PKNOX2: variants seen among roughly 807,000 people sequenced by gnomAD.
PKNOX2 encodes the protein PBX/knotted 1 homeobox 2.
Under a neutral mutation model 53.1 loss-of-function variants are expected in PKNOX2, and 14 were observed. The ratio of observed to expected loss-of-function variants is 0.26; its 90% CI spans 0.17 to 0.41. The LOEUF (loss-of-function observed/expected upper bound fraction) is 0.41, where lower values mean the gene tolerates loss of function less well. Ranked by LOEUF, PKNOX2 falls within the 10% of genes least tolerant of loss-of-function variation. PKNOX2 has a pLI of 1.00. For synonymous variants in PKNOX2, 257 were observed against 242.8 expected, an observed-to-expected ratio of 1.06 and a Z score of -0.54; for missense variants, 496 against 602.8, an observed-to-expected ratio of 0.82 and a Z score of 1.85.
In PKNOX2 at chr11:125,422,349, T is replaced by C. The variant is rs535003257; in HGVS notation, c.937-6663T>C. Among the ~76,000 whole-genome samples, 1 of 152,246 alleles carries C rather than the reference T, an allele frequency of 6.6e-6. No individual in the cohort carries two copies. Among genetic ancestry groups the C allele is most frequent in the South Asian group, 2.1e-4 (1 of 4,822 alleles). On this transcript the variant is annotated intron_variant, in intron 10 of 12. Coordinates refer to ENST00000298282, the MANE Select transcript of PKNOX2 (RefSeq NM_001382323.2). This position sits in a 1 kb window ranked among gnomAD's most constrained non-coding sequence, Gnocchi z 4.1. ...CCAGCTGGGTTCTTGGTTACATTTC[T>C]CTCTTTGTCCCAGAGAAATCTTAGA... is the stretch of plus-strand genomic sequence containing the variant.
At chr11:125,177,615 C>G (rs893203517) in intron 1 of PKNOX2, among the ~76,000 whole-genome samples, 1 of 152,184 alleles carries the variant, frequency 6.6e-6, no homozygotes, top group African/African-American at 2.4e-5. Context: ...CTGCTCCAGT[C>G]CTGGCCTCAG....
At chr11:125,414,367 A>G (rs1955754422) in intron 10 of PKNOX2, among the ~76,000 whole-genome samples, 2 of 152,154 alleles carry the variant, frequency 1.3e-5, no homozygotes, top group African/African-American at 4.8e-5. Flanking sequence ...TGCAGGTGCC[A>G]TTCATGACGC....
At chr11:125,285,848 A>G (rs1946862534) in intron 2 of PKNOX2, among the ~76,000 whole-genome samples, 1 of 152,252 alleles carries the variant, frequency 6.6e-6, no homozygotes, top group African/African-American at 2.4e-5. Flanking sequence ...GCACTTCACT[A>G]CCATCCATGC....
chr11:125,176,734 A>G (rs1189868289), intron 1 of PKNOX2, among the ~76,000 whole-genome samples: 18 of 152,126 alleles, frequency 1.2e-4, no homozygotes, highest in Admixed American at 1.2e-3. Context: ...CTTCCCCAGC[A>G]TCTTCTTTTC....
intron 2 of PKNOX2, among the ~76,000 whole-genome samples, chr11:125,252,276 G>A (rs1193917838): frequency 6.6e-6 from 1 of 152,184 alleles, no homozygotes; most frequent in Admixed American, 6.5e-5. Context: ...CAGGAGCATC[G>A]TGTGGGACAA....
At chr11:125,243,052 T>A (rs1219911945) in intron 2 of PKNOX2, among the ~76,000 whole-genome samples, 1 of 152,178 alleles carries the variant, frequency 6.6e-6, no homozygotes, top group Non-Finnish European at 1.5e-5. Context: ...TGAAGGGTTG[T>A]TGGTGGAGGA....
In PKNOX2 at chr11:125,166,365, C is replaced by G. The variant is rs988114192; in HGVS notation, c.-201+1589C>G. Among the ~76,000 whole-genome samples the G allele has an allele frequency of 3.9e-4, 59 of 152,188 alleles. No individual in the cohort carries two copies. The highest frequency in any genetic ancestry group is 1.4e-3 in the African/African-American group (57 of 41,452). ...GGCGAGCCCCGAATTTTTGCTGCTT[C>G]CCCCTGAAAGTGTTTCTTTAGGAGG... On this transcript the variant is annotated intron_variant, in intron 1 of 12. Coordinates refer to ENST00000298282, the MANE Select transcript of PKNOX2 (RefSeq NM_001382323.2). The surrounding 1 kb of genome is among the most constrained non-coding windows in gnomAD (Gnocchi z 4.0).
At chr11:125,353,962 A>T (rs1177328135) in intron 4 of PKNOX2, among the ~76,000 whole-genome samples, 2 of 152,162 alleles carry the variant, frequency 1.3e-5, no homozygotes, top group Admixed American at 1.3e-4. Flanking sequence ...ATGCCCCCAG[A>T]ACAAAGGCTT....
chr11:125,337,757 A>T (rs1950501451), intron 3 of PKNOX2, among the ~76,000 whole-genome samples: 2 of 152,078 alleles, frequency 1.3e-5, no homozygotes, highest in African/African-American at 4.8e-5. Flanking sequence ...TGGGACATCC[A>T]TTGCCCTGCA....
chr11:125,428,356 G>A (rs945777406), intron 10 of PKNOX2, among the ~76,000 whole-genome samples: 2 of 152,124 alleles, frequency 1.3e-5, no homozygotes, highest in South Asian at 2.1e-4. Flanking sequence ...GACACTGGAG[G>A]AGTCATTCCA....
intron 1 of PKNOX2, among the ~76,000 whole-genome samples, chr11:125,222,716 T>G (rs111386041): frequency 0.015 from 2,322 of 150,094 alleles, 54 homozygotes; most frequent in African/African-American, 0.053. Context: ...GTGCTGTGTA[T>G]GTGTGTGTGT....
chr11:125,339,030 C>T (rs1950553151), intron 3 of PKNOX2, among the ~76,000 whole-genome samples: 1 of 152,216 alleles, frequency 6.6e-6, no homozygotes, highest in South Asian at 2.1e-4. Flanking sequence ...AAACACTCCT[C>T]CTCTGTGTCT....
At chr11:125,172,452 C>T (rs1282791666) in intron 1 of PKNOX2, among the ~76,000 whole-genome samples, 2 of 152,312 alleles carry the variant, frequency 1.3e-5, no homozygotes, top group East Asian at 1.9e-4. Context: ...ATCCAGCCCT[C>T]TTCCATCTCA....
intron 6 of PKNOX2, among the ~76,000 whole-genome samples, chr11:125,396,457 C>T (rs79539453): frequency 0.038 from 5,724 of 151,946 alleles, 299 homozygotes; most frequent in African/African-American, 0.11. Flanking sequence ...TATTCTAGCA[C>T]CATTTGAACA....
chr11:125,405,664 T>C (rs1955043842), intron 7 of PKNOX2, among the ~76,000 whole-genome samples: 1 of 152,146 alleles, frequency 6.6e-6, no homozygotes, highest in African/African-American at 2.4e-5. Flanking sequence ...TTCCAGGGTG[T>C]TGCAGCTGGC....
At chr11:125,196,184 CT>C (rs1937662144) in intron 1 of PKNOX2, among the ~76,000 whole-genome samples, 1 of 152,162 alleles carries the variant, frequency 6.6e-6, no homozygotes, top group Non-Finnish European at 1.5e-5. Context: ...GATCCTGAGC[CT>C]GCAGGATTGT....
intron 2 of PKNOX2, among the ~76,000 whole-genome samples, chr11:125,329,528 A>G (rs1409633430): frequency 6.6e-6 from 1 of 152,254 alleles, no homozygotes; most frequent in Non-Finnish European, 1.5e-5. Flanking sequence ...TGAGAAGCTT[A>G]TAGTTTGGAA....
In PKNOX2 at chr11:125,243,033, A is replaced by AT. The variant is rs1395729587; in HGVS notation, c.-130+7924dup. Reference sequence around the variant, plus strand: ...GAAAGCAAGAATAATAATATTTCCTATTTTTTCTTGAAGGGTTGTTGGTGG... The same window carrying AT: ...GAAAGCAAGAATAATAATATTTCCTATTTTTTTCTTGAAGGGTTGTTGGTGG... On this transcript the variant is annotated intron_variant, in intron 2 of 12. Transcript: ENST00000298282. Among the ~76,000 whole-genome samples the AT allele has an allele frequency of 8.5e-5, 13 of 152,196 alleles. No individual in the cohort carries two copies. The East Asian group carries it at 2.3e-3, about 27-fold the overall frequency.
At chr11:125,420,525 C>CAA (rs35294408) in intron 10 of PKNOX2, among the ~76,000 whole-genome samples, 1 of 145,958 alleles carries the variant, frequency 6.9e-6, no homozygotes, top group Admixed American at 6.8e-5. Flanking sequence ...GACTCCATCT[C>CAA]AAAAAAAAAA....
Sources: allele counts gnomAD v4.1 joint callset (sites outside exome capture counted in the v4.1 genomes callset), GRCh38; gene constraint gnomAD v4.1.1; non-coding constraint Gnocchi (gnomAD v3.1); transcripts MANE v1.5; gene names NCBI Gene and HGNC (gene_info 2026-07-23, HGNC 2026-07-21).